The following ERICH3 variants were observed in gnomAD, a reference collection of about 807,000 sequenced individuals.
The protein encoded by ERICH3 is glutamate-rich protein 3.
A neutral mutation model predicts 131.1 loss-of-function variants in ERICH3; 126 were observed. The observed-to-expected ratio is 0.96, with a 90% CI of 0.83 to 1.11. The LOEUF (loss-of-function observed/expected upper bound fraction) is 1.11. Ranked by LOEUF, ERICH3 falls within the 50% of genes most tolerant of loss-of-function variation. ERICH3 has a pLI of 0.00. For synonymous variants in ERICH3, 695 were observed against 644.6 expected, an observed-to-expected ratio of 1.08 and a Z score of -1.18; for missense variants, 2,050 against 1,810.7, an observed-to-expected ratio of 1.13 and a Z score of -2.40.
intron 1 of ERICH3, among the ~76,000 whole-genome samples, chr1:74,664,606 AACT>A (rs1468163219): frequency 6.6e-6 from 1 of 152,170 alleles, no homozygotes; most frequent in African/African-American, 2.4e-5. Context: ...GCTGTTTCAT[AACT>A]ACTATGTGCA....
At chr1:74,610,741 AT>A (rs1040176837) in intron 9 of ERICH3, among the ~76,000 whole-genome samples, 3 of 151,664 alleles carry the variant, frequency 2.0e-5, no homozygotes, top group African/African-American at 4.8e-5. Flanking sequence ...TTCTCCAACT[AT>A]TTTTTAAACC....
chr1:74,610,798 C>T (rs969657900), intron 9 of ERICH3, among the ~76,000 whole-genome samples: 1 of 151,940 alleles, frequency 6.6e-6, no homozygotes, highest in Non-Finnish European at 1.5e-5. Flanking sequence ...ATAACTCGTG[C>T]CATGATCACC....
At chr1:74,606,040 A>C (rs1039021498) in intron 10 of ERICH3, among the ~76,000 whole-genome samples, 1 of 150,490 alleles carries the variant, frequency 6.6e-6, no homozygotes, top group Admixed American at 6.7e-5. Flanking sequence ...GGGTGGGTGT[A>C]TGTGTATGGA....
At chr1:74,673,465 C>G in intron 1 of ERICH3, 32 bp downstream of exon 1, 1 of 1,610,428 alleles carries the variant, frequency 6.2e-7, no homozygotes, top group Non-Finnish European at 8.5e-7. Context: ...CGCCACCTGC[C>G]ACAGCGTGGA....
At chr1:74,655,655 T>C (rs986144291) in intron 1 of ERICH3, among the ~76,000 whole-genome samples, 6 of 152,188 alleles carry the variant, frequency 3.9e-5, no homozygotes, top group African/African-American at 1.4e-4. Flanking sequence ...TCTGCAACTT[T>C]TATTCCTCCT....
chr1:74,571,722 C>T lies in ERICH3; in HGVS notation c.3988G>A (p.Glu1330Lys), dbSNP rs1646951029. 3 of 1,614,040 alleles carry T rather than the reference C, an allele frequency of 1.9e-6. No homozygotes were observed. In the South Asian group the frequency reaches 3.3e-5, roughly 18 times the overall value. Residue 1330 changes from glutamate to lysine, a missense_variant, in exon 14 of 15, where the codon GAG (glutamate) becomes AAG (lysine). Glu to Lys is a moderately conservative substitution (Grantham distance 56). Transcript: ENST00000326665. Reference protein sequence around the residue: ...MEGEGNTQKNEGMGGGRVVAV... With the variant: ...MEGEGNTQKNKGMGGGRVVAV... ...ACAACCCTTCCTCCTCCCATGCCCTCATTCTTTTGTGTGTTTCCTTCTCCT... is the reference window on the plus strand; with the variant it reads ...ACAACCCTTCCTCCTCCCATGCCCTTATTCTTTTGTGTGTTTCCTTCTCCT...
intron 4 of ERICH3, among the ~76,000 whole-genome samples, chr1:74,641,737 T>C (rs541861793): frequency 1.3e-5 from 2 of 152,196 alleles, no homozygotes; most frequent in East Asian, 3.9e-4. Flanking sequence ...ATAATGAGCT[T>C]TACTACTGCG....
At position 74,571,758 on chromosome 1, in the gene ERICH3, C is replaced by G. The variant is rs1401686560; in HGVS notation, c.3952G>C (p.Gly1318Arg). ...GTGTTTCCTTCTCCTTCCATGTCCC[C>G]GTCCCCTTCCGAGTTCCTGTCCTGC... ...AMQDRNSEGD[G>R]DMEGEGNTQK... The change falls in exon 14 of 15, where the codon GGG (glycine) becomes CGG (arginine). Residue 1318 changes from glycine (G) to arginine (R), a missense_variant. Physicochemically the swap from Gly to Arg is moderately radical, Grantham distance 125. Transcript: ENST00000326665. 1.2e-6 allele frequency: 2 copies of G among 1,614,122 alleles called. No homozygotes were observed. The highest frequency in any genetic ancestry group is 3.3e-5 in the Admixed American group (2 of 60,022).
chr1:74,617,778 C>T (rs915230230), intron 8 of ERICH3, among the ~76,000 whole-genome samples: 1 of 152,146 alleles, frequency 6.6e-6, no homozygotes, highest in Non-Finnish European at 1.5e-5. Flanking sequence ...GACTGCACAA[C>T]TCTGTACAAT....
chr1:74,606,486 A>G, intron 10 of ERICH3, 115 bp downstream of exon 10: 1 of 1,107,946 alleles, frequency 9.0e-7, no homozygotes, highest in Non-Finnish European at 1.3e-6. Flanking sequence ...GGCACCCCAC[A>G]TGTAACACAG....
In ERICH3 at chr1:74,572,571, T is replaced by A; in HGVS notation, c.3139A>T (p.Lys1047Ter). 6.2e-7 allele frequency: 1 copy of A among 1,614,020 alleles called. No individual in the cohort carries two copies. The highest frequency in any genetic ancestry group is 8.5e-7 in the Non-Finnish European group (1 of 1,179,996). The change falls in exon 14 of 15, where the codon AAA becomes TAA. Residue 1047 changes from lysine to a stop codon, truncating the protein, a stop_gained. Coordinates refer to ENST00000326665, the MANE Select transcript of ERICH3 (RefSeq NM_001002912.5). LOFTEE classifies it high-confidence loss of function. ...EAEANREDDRKEILPKELDLA... is the reference protein window; with the variant it reads ...EAEANREDDR ...TCTAATTCCTTGGGTAAAATTTCTT[T>A]CCTATCATCTTCCCTATTAGCTTCT...
chr1:74,572,615 TC>T lies in ERICH3; in HGVS notation c.3094del (p.Glu1032LysfsTer4), dbSNP rs1646974112. On this transcript the variant is annotated frameshift_variant, in exon 14 of 15. Transcript: ENST00000326665. LOFTEE classifies it high-confidence loss of function. ...AFLCKEDVEG[E>X]EMVTEAEANR... ...AGCTTCTGCCTCAGTCACCATCTCTTCCCCTTCCACATCTTCCTTGCAAAGG... is the reference window on the plus strand; with the variant it reads ...AGCTTCTGCCTCAGTCACCATCTCTTCCCTTCCACATCTTCCTTGCAAAGG... The T allele has an allele frequency of 6.2e-7, 1 of 1,613,950 alleles. No individual in the cohort carries two copies. Among genetic ancestry groups the T allele is most frequent in the Non-Finnish European group, 8.5e-7 (1 of 1,179,962 alleles).
chr1:74,661,905 T>G (rs1178729984), intron 1 of ERICH3, among the ~76,000 whole-genome samples: 2 of 152,214 alleles, frequency 1.3e-5, no homozygotes, highest in Non-Finnish European at 2.9e-5. Flanking sequence ...TCTCATAGTT[T>G]TTTGCACTGG....
chr1:74,634,929 C>T (rs1453354976), intron 6 of ERICH3: 2 of 391,350 alleles, frequency 5.1e-6, no homozygotes, highest in Non-Finnish European at 9.0e-6. Context: ...CACTAGGCAA[C>T]TTTCTCATTG....
At position 74,573,269 on chromosome 1, in the gene ERICH3, G is replaced by C. The variant is rs781665215; in HGVS notation, c.2441C>G (p.Pro814Arg). The C allele has an allele frequency of 5.0e-6, 8 of 1,598,988 alleles. No individual in the cohort carries two copies. Among genetic ancestry groups the C allele is most frequent in the Non-Finnish European group, 6.8e-6 (8 of 1,174,058 alleles). Residue 814 changes from proline (P) to arginine (R), a missense_variant, in exon 14 of 15, where the codon CCA (proline) becomes CGA (arginine). Transcript: ENST00000326665. ...VHEAPLRAWK[P>R]TAEQPELAEE... ...TGCCAATTCTGGCTGCTCTGCTGTT[G>C]GCTTCCACGCCCTCAAGGGAGCCTC...
chr1:74,597,392 C>T (rs1043803137), intron 11 of ERICH3, among the ~76,000 whole-genome samples: 23 of 151,892 alleles, frequency 1.5e-4, no homozygotes, highest in Non-Finnish European at 3.1e-4. Context: ...CAAAAGAGCC[C>T]TTTAAAAGCA....
At chr1:74,649,057 C>T (rs888533654) in intron 2 of ERICH3, among the ~76,000 whole-genome samples, 165 bp downstream of exon 2, 1 of 152,102 alleles carries the variant, frequency 6.6e-6, no homozygotes, top group East Asian at 1.9e-4. Flanking sequence ...GCCTTCCTAT[C>T]TTTTCAAACA....
chr1:74,570,999 T>G lies in ERICH3; in HGVS notation c.*18+100A>C, dbSNP rs1277870854. On this transcript the variant is annotated intron_variant, in intron 14 of 14. Coordinates refer to ENST00000326665, the MANE Select transcript of ERICH3 (RefSeq NM_001002912.5). ...CAGAATTGAAGCCTGTGTGTTTATA[T>G]GTGCACAGACACCAATAAAGGGACA... 3 of 1,402,694 alleles carry G rather than the reference T, an allele frequency of 2.1e-6. No individual in the cohort carries two copies. In the African/African-American group the frequency reaches 4.3e-5, roughly 20 times the overall value. 86.9% of individuals were successfully genotyped at this position (1,402,694 alleles called of 1,614,324 possible).
Position 74,583,041 on chromosome 1 carries a change from C to T in ERICH3, c.2177-6105G>A, listed in dbSNP as rs143916887. On this transcript the variant is annotated intron_variant, in intron 12 of 14. Coordinates refer to ENST00000326665, the MANE Select transcript of ERICH3 (RefSeq NM_001002912.5). The stretch of plus-strand genomic sequence containing the variant: ...TTTTTCTCCTTTAAAACAATGTAAA[C>T]GGGGGCAGAACAAAGCCACAGTATT... 4.6e-3 allele frequency among the ~76,000 whole-genome samples: 705 copies of T among 152,156 alleles called. 12 individuals are homozygous for T. The highest frequency in any genetic ancestry group is 0.03 in the East Asian group (154 of 5,182).
Sources: gnomAD v4.1 joint callset for allele counts (sites outside exome capture counted in the v4.1 genomes callset) on GRCh38, gnomAD v4.1.1 for gene constraint, MANE v1.5 for transcripts, NCBI Gene and HGNC (gene_info 2026-07-23, HGNC 2026-07-21) for gene names.